ANKRD12: variants seen among roughly 807,000 people sequenced by gnomAD.
ANKRD12 encodes ankyrin repeat domain 12.
ANKRD12 carries 85 observed loss-of-function variants against 183.4 expected under a neutral mutation model. The observed-to-expected ratio is 0.46, with a 90% CI of 0.39 to 0.56. ANKRD12 has a LOEUF of 0.56. ANKRD12 is among the 20% of genes least tolerant of loss of function. The pLI is 0.00. For missense variants in ANKRD12, 2,405 were observed against 2,357.1 expected (o/e 1.02, Z -0.42); for synonymous variants, 914 against 800.2 (o/e 1.14, Z -2.40).
chr18:9,235,531 A>G (rs1271630760), intron 8 of ANKRD12: 4 of 356,496 alleles, frequency 1.1e-5, no homozygotes, highest in African/African-American at 4.2e-5. Context: ...AACACCACAT[A>G]AAGAGAAAAA....
chr18:9,218,766 C>T (rs1184210031), intron 7 of ANKRD12, among the ~76,000 whole-genome samples: 1 of 151,480 alleles, frequency 6.6e-6, no homozygotes, highest in Non-Finnish European at 1.5e-5. Flanking sequence ...ACCTCGTGGG[C>T]TCAAGTGATC....
chr18:9,215,173 T>A (rs1222304966), intron 6 of ANKRD12, among the ~76,000 whole-genome samples: 2 of 152,058 alleles, frequency 1.3e-5, no homozygotes, highest in Non-Finnish European at 2.9e-5. Context: ...AGTACCCTAT[T>A]CTGGGAAAAA....
chr18:9,182,788 C>T (rs1020398056), intron 2 of ANKRD12, among the ~76,000 whole-genome samples: 2 of 152,048 alleles, frequency 1.3e-5, no homozygotes, highest in Non-Finnish European at 2.9e-5. Flanking sequence ...TATTATTAGT[C>T]ATTGTCAATG....
intron 8 of ANKRD12, among the ~76,000 whole-genome samples, chr18:9,245,470 A>T (rs1567959077): frequency 6.6e-6 from 1 of 152,158 alleles, no homozygotes; most frequent in Non-Finnish European, 1.5e-5. Flanking sequence ...AAAAAAATAA[A>T]AAGACCAGTT....
At chr18:9,158,704 T>C (rs2030965997) in intron 1 of ANKRD12, among the ~76,000 whole-genome samples, 1 of 152,204 alleles carries the variant, frequency 6.6e-6, no homozygotes, top group East Asian at 1.9e-4. Flanking sequence ...TTCTCCTCTT[T>C]CCATGCTGTA....
At chr18:9,219,136 G>A (rs1344347426) in intron 7 of ANKRD12, among the ~76,000 whole-genome samples, 2 of 152,060 alleles carry the variant, frequency 1.3e-5, no homozygotes, top group African/African-American at 2.4e-5. Context: ...TTTGATTTAG[G>A]GTGTTTGTAA....
intron 1 of ANKRD12, among the ~76,000 whole-genome samples, chr18:9,161,204 C>T (rs1242864347): frequency 6.6e-6 from 1 of 151,950 alleles, no homozygotes. Flanking sequence ...CCTCCAATAC[C>T]TTAGTAAAAC....
chr18:9,201,650 A>G (rs1293479258), intron 3 of ANKRD12, among the ~76,000 whole-genome samples: 1 of 152,186 alleles, frequency 6.6e-6, no homozygotes. Context: ...ATTGGGGGAC[A>G]TGTTTTTCTT....
chr18:9,229,637 A>G (rs954565240), intron 8 of ANKRD12, among the ~76,000 whole-genome samples: 3 of 151,922 alleles, frequency 2.0e-5, no homozygotes, highest in Admixed American at 2.0e-4. Context: ...AATGCTACTG[A>G]TTTTTGTATT....
At chr18:9,202,194 A>G (rs1465635971) in intron 3 of ANKRD12, among the ~76,000 whole-genome samples, 1 of 152,190 alleles carries the variant, frequency 6.6e-6, no homozygotes, top group African/African-American at 2.4e-5. Flanking sequence ...TGTGTTCACA[A>G]AGTCTACAGA....
chr18:9,174,791 T>C (rs1177451934), intron 1 of ANKRD12, among the ~76,000 whole-genome samples: 1 of 152,208 alleles, frequency 6.6e-6, no homozygotes, highest in East Asian at 1.9e-4. Flanking sequence ...TCTAATCGGC[T>C]ATCTTGGCCC....
intron 4 of ANKRD12, among the ~76,000 whole-genome samples, chr18:9,207,654 A>T (rs2035561904): frequency 6.6e-6 from 1 of 152,078 alleles, no homozygotes; most frequent in South Asian, 2.1e-4. Flanking sequence ...TTGACTACTA[A>T]GCCTTTCCTT....
rs759105514 is a variant in ANKRD12, at chr18:9,254,359, AGAT to A, written c.1104_1106del (p.Asp368del). On this transcript the variant is annotated inframe_deletion, in exon 9 of 13. Transcript: ENST00000262126. ...CTGCCCTTGATGAGTATGAGTTCAA[AGAT>A]GATGATGATGAAGAAATTAATAAGA... The A allele has an allele frequency of 4.3e-6, 7 of 1,611,690 alleles. No individual in the cohort carries two copies. The highest frequency in any genetic ancestry group is 2.2e-5 in the East Asian group (1 of 44,742).
At chr18:9,179,347 CATT>C (rs2033529575) in intron 1 of ANKRD12, among the ~76,000 whole-genome samples, 2 of 152,112 alleles carry the variant, frequency 1.3e-5, no homozygotes, top group South Asian at 2.1e-4. Context: ...ATCCACGCCT[CATT>C]GTTGATCTTA....
rs1024824869 is a variant in ANKRD12, at chr18:9,280,936, A to C, written c.6004-5A>C. The C allele has an allele frequency of 1.9e-6, 3 of 1,605,872 alleles. No individual in the cohort carries two copies. Among genetic ancestry groups the C allele is most frequent in the Non-Finnish European group, 2.5e-6 (3 of 1,178,144 alleles). ...ATCAAGTAACTCTTCTCTTCTTTTA[A>C]ATAGACCTGTCTTTTAATGAGGCAA... On this transcript the variant is annotated splice_region_variant and splice_polypyrimidine_tract_variant and intron_variant, in intron 12 of 12. Transcript: ENST00000262126.
At chr18:9,138,980 G>A (rs757569606) in intron 1 of ANKRD12, among the ~76,000 whole-genome samples, 1 of 152,190 alleles carries the variant, frequency 6.6e-6, no homozygotes, top group African/African-American at 2.4e-5. Context: ...AGTGTTAAGT[G>A]TACTTATGTA....
intron 6 of ANKRD12, among the ~76,000 whole-genome samples, chr18:9,216,317 C>G (rs1384199232): frequency 6.6e-6 from 1 of 152,068 alleles, no homozygotes; most frequent in Non-Finnish European, 1.5e-5. Context: ...TGATCCACTT[C>G]TACTTAATGA....
chr18:9,149,298 A>T (rs2078599800), intron 1 of ANKRD12, among the ~76,000 whole-genome samples: 1 of 152,258 alleles, frequency 6.6e-6, no homozygotes, highest in African/African-American at 2.4e-5. Context: ...TTGCATGAGC[A>T]AACTAGGATA....
chr18:9,244,964 C>A (rs1283504349), intron 8 of ANKRD12, among the ~76,000 whole-genome samples: 1 of 152,122 alleles, frequency 6.6e-6, no homozygotes, highest in Non-Finnish European at 1.5e-5. Flanking sequence ...TTACCCATCT[C>A]TCTGTTTTTG....
Sources: gnomAD v4.1 joint callset for allele counts (sites outside exome capture counted in the v4.1 genomes callset) on GRCh38, gnomAD v4.1.1 for gene constraint, MANE v1.5 for transcripts, NCBI Gene and HGNC (gene_info 2026-07-23, HGNC 2026-07-21) for gene names.